SORT1: variants seen among roughly 807,000 people sequenced by gnomAD.
SORT1 encodes sortilin.
In SORT1, 39 loss-of-function variants were observed where a neutral mutation model predicts 101.7. The observed-to-expected ratio is 0.38, with a 90% confidence interval of 0.30 to 0.50. The LOEUF is 0.50. SORT1 is among the 20% of genes least tolerant of loss of function. The pLI is 0.90. For synonymous variants in SORT1, 396 were observed against 393.7 expected (o/e 1.01, Z -0.07); for missense variants, 878 against 1,040.4 (o/e 0.84, Z 2.15).
At chr1:109,374,245 T>C (rs774924096) in intron 1 of SORT1, among the ~76,000 whole-genome samples, 2 of 152,012 alleles carry the variant, frequency 1.3e-5, no homozygotes, top group African/African-American at 4.8e-5. Flanking sequence ...AGAGAATGGA[T>C]TGAGAATGTT....
chr1:109,386,305 G>C (rs956460446), intron 1 of SORT1, among the ~76,000 whole-genome samples: 1 of 152,138 alleles, frequency 6.6e-6, no homozygotes, highest in African/African-American at 2.4e-5. Flanking sequence ...TATCATTTAG[G>C]GAGTAAAACT....
intron 1 of SORT1, among the ~76,000 whole-genome samples, chr1:109,384,856 T>C (rs1389681551): frequency 6.6e-6 from 1 of 152,068 alleles, no homozygotes; most frequent in Non-Finnish European, 1.5e-5. Flanking sequence ...GGCAGGTGGA[T>C]CACTTGAGGT....
chr1:109,369,324 A>AC (rs1008032491), intron 2 of SORT1, among the ~76,000 whole-genome samples: 8 of 151,156 alleles, frequency 5.3e-5, no homozygotes, highest in Non-Finnish European at 7.4e-5. Context: ...CTCCGTCCCC[A>AC]CCCCCCCGCA....
chr1:109,392,742 A>G lies in SORT1; in HGVS notation c.306+4845T>C, dbSNP rs72983004. The G allele has an allele frequency of 1.6e-3, 1,546 of 984,636 alleles. 15 individuals are homozygous for G. The African/African-American group carries it at 0.025, about 16-fold the overall frequency. 61.0% of individuals were successfully genotyped at this position (984,636 alleles called of 1,614,324 possible). ...CTGATACTTCTTACTGAAATATCCA[A>G]TGCATAAGTCATTTTAACATCCCTC... On this transcript the variant is annotated intron_variant, in intron 1 of 19. Coordinates refer to ENST00000256637, the MANE Select transcript of SORT1 (RefSeq NM_002959.7).
intron 15 of SORT1, 93 bp downstream of exon 15, chr1:109,322,839 T>C: frequency 9.5e-7 from 1 of 1,050,634 alleles, no homozygotes; most frequent in Non-Finnish European, 1.4e-6. Flanking sequence ...CGCACCCGGC[T>C]GGATTTCAAT....
At chr1:109,376,645 AG>A (rs1651876580) in intron 1 of SORT1, among the ~76,000 whole-genome samples, 1 of 152,182 alleles carries the variant, frequency 6.6e-6, no homozygotes, top group Non-Finnish European at 1.5e-5. Flanking sequence ...ACACAGAAAC[AG>A]AAAACCAAAT....
chr1:109,320,065 C>T (rs987445294), intron 15 of SORT1, among the ~76,000 whole-genome samples: 2 of 151,988 alleles, frequency 1.3e-5, no homozygotes, highest in Non-Finnish European at 2.9e-5. Flanking sequence ...CTCTGCTGCC[C>T]CCGCCACTGC....
intron 1 of SORT1, among the ~76,000 whole-genome samples, chr1:109,380,144 C>T (rs913759476): frequency 6.6e-6 from 1 of 151,828 alleles, no homozygotes; most frequent in African/African-American, 2.4e-5. Context: ...AAACAATAGC[C>T]AGGTGTGGTG....
chr1:109,369,351 T>G (rs1160939256), intron 2 of SORT1, among the ~76,000 whole-genome samples, 179 bp downstream of exon 2: 1 of 151,662 alleles, frequency 6.6e-6, no homozygotes, highest in African/African-American at 2.4e-5. Context: ...ATGTTCCCAA[T>G]TCTAAAGCAA....
Position 109,323,071 on chromosome 1 carries a change from C to T in SORT1, c.1885G>A (p.Asp629Asn). ...IWLAHSTDPEDYEDGCILGYK... is the reference protein window; with the variant it reads ...IWLAHSTDPENYEDGCILGYK... The stretch of plus-strand genomic sequence containing the variant: ...CCCAAAATGCAGCCATCTTCATAAT[C>T]TTCAGGGTCTGTGGAGTGTGCCAGC... The change falls in exon 15 of 20, where the codon GAT becomes AAT. Residue 629 changes from aspartate to asparagine, a missense_variant. Asp to Asn is a conservative substitution (Grantham distance 23). Transcript: ENST00000256637. 6.2e-7 allele frequency: 1 copy of T among 1,614,182 alleles called. No individual in the cohort carries two copies.
chr1:109,314,229 G>T (rs1047066045), intron 19 of SORT1, 32 bp downstream of exon 19: 4 of 1,393,712 alleles, frequency 2.9e-6, no homozygotes, highest in East Asian at 2.6e-5. Context: ...TTGGGGGGGG[G>T]GGTACTACCA....
intron 1 of SORT1, among the ~76,000 whole-genome samples, chr1:109,372,754 C>T (rs978794427): frequency 1.3e-5 from 2 of 151,980 alleles, no homozygotes; most frequent in Admixed American, 6.6e-5. Context: ...AAAAAATTAG[C>T]CGGGCGTGGT....
chr1:109,370,051 A>C (rs908298009), intron 1 of SORT1, among the ~76,000 whole-genome samples: 1 of 152,168 alleles, frequency 6.6e-6, no homozygotes, highest in Non-Finnish European at 1.5e-5. Context: ...TTTTACTTCT[A>C]GTCTAGCTCA....
chr1:109,370,870 A>G (rs769544301), intron 1 of SORT1, among the ~76,000 whole-genome samples: 1 of 152,178 alleles, frequency 6.6e-6, no homozygotes, highest in Non-Finnish European at 1.5e-5. Flanking sequence ...CTCAACCTCA[A>G]AATAGAACAT....
chr1:109,395,510 C>T (rs1446410325), intron 1 of SORT1, among the ~76,000 whole-genome samples: 2 of 151,534 alleles, frequency 1.3e-5, no homozygotes, highest in Non-Finnish European at 2.9e-5. Context: ...CATGAGCCAC[C>T]GTGCCCAGCC....
At chr1:109,358,567 T>C (rs1260457057) in intron 3 of SORT1, among the ~76,000 whole-genome samples, 1 of 152,144 alleles carries the variant, frequency 6.6e-6, no homozygotes, top group Admixed American at 6.5e-5. Context: ...TAGAAACAAG[T>C]CTTTTTGGCC....
chr1:109,342,597 T>C (rs1570925484), intron 8 of SORT1, among the ~76,000 whole-genome samples: 1 of 152,184 alleles, frequency 6.6e-6, no homozygotes. Flanking sequence ...AAGAATTATA[T>C]ACTTAAGGGT....
intron 15 of SORT1, among the ~76,000 whole-genome samples, chr1:109,319,164 C>G (rs1374762600): frequency 6.6e-6 from 1 of 152,208 alleles, no homozygotes; most frequent in Non-Finnish European, 1.5e-5. Context: ...CACTTCTGTT[C>G]CTCTTAGCTT....
At position 109,313,879 on chromosome 1, in the gene SORT1, ACC is replaced by A. The variant is rs1658867341; in HGVS notation, c.*162_*163del. The stretch of plus-strand genomic sequence containing the variant: ...AAAGTGCTCAGGGTTCCCCACCCCC[ACC>A]CTGCATTTCTTTAGTGTAGGTCCTT... On this transcript the variant is annotated 3_prime_UTR_variant, in exon 20 of 20. Coordinates refer to ENST00000256637, the MANE Select transcript of SORT1 (RefSeq NM_002959.7). 1.1e-5 allele frequency: 3 copies of A among 263,084 alleles called. 1 individual carries two copies. The East Asian group carries it at 1.9e-4, about 17-fold the overall frequency. 16.3% of individuals were successfully genotyped at this position (263,084 alleles called of 1,614,324 possible).
Sources: gnomAD v4.1 joint callset for allele counts (sites outside exome capture counted in the v4.1 genomes callset) on GRCh38, gnomAD v4.1.1 for gene constraint, MANE v1.5 for transcripts, NCBI Gene and HGNC (gene_info 2026-07-23, HGNC 2026-07-21) for gene names.